Variants in STAT6 observed in about 807,000 individuals in gnomAD.
STAT6 encodes the protein signal transducer and activator of transcription 6.
In STAT6, 45 loss-of-function variants were observed where a neutral mutation model predicts 106.3. That is an observed-to-expected ratio of 0.42 (90% CI 0.33 to 0.54). STAT6 has a LOEUF of 0.54. STAT6 is among the 20% of genes least tolerant of loss of function. The pLI, the probability that STAT6 is intolerant of heterozygous loss-of-function variation, is 0.06. For missense variants in STAT6, 797 were observed against 1,062.2 expected (o/e 0.75, Z 3.47); for synonymous variants, 413 against 413.6 (o/e 1.00, Z 0.02).
At position 57,106,820 on chromosome 12, in the gene STAT6, C is replaced by T. The variant is rs760329085; in HGVS notation, c.351G>A (p.Leu117=). 17 of 1,613,746 alleles carry T rather than the reference C, an allele frequency of 1.1e-5. No homozygotes were observed. Among genetic ancestry groups the T allele is most frequent in the Admixed American group, 1.7e-5 (1 of 59,998 alleles). Residue 117 remains leucine, a synonymous_variant, in exon 5 of 22, where the codon TTG becomes TTA. Coordinates refer to ENST00000300134, the MANE Select transcript of STAT6 (RefSeq NM_003153.5). Reference sequence around the variant, plus strand: ...CCTGCTTCCAGTGGAAAGGCATTGGCAAGTGGCGGAACTACACAGGAAGGA... The same window carrying T: ...CCTGCTTCCAGTGGAAAGGCATTGGTAAGTGGCGGAACTACACAGGAAGGA... ...KKAVMEQFRH[L]PMPFHWKQEE...
At chr12:57,098,924 A>G in intron 17 of STAT6, 22 bp from the exon 18 acceptor site, 1 of 1,613,260 alleles carries the variant, frequency 6.2e-7, no homozygotes, top group Non-Finnish European at 8.5e-7. Context: ...AAGGAGGTAC[A>G]TGTGACTGAC....
rs369459441 is a variant in STAT6, at chr12:57,099,980, C to G, written c.1607+16G>C. On this transcript the variant is annotated intron_variant, in intron 14 of 21. Transcript: ENST00000300134. The surrounding 1 kb of genome is among the most constrained non-coding windows in gnomAD (Gnocchi z 4.7). ...CTGGTGTATGGCTGCTCAGACTACC[C>G]AGGGTGGGGACTCACCGGTCAGACC... The G allele has an allele frequency of 2.3e-5, 37 of 1,614,012 alleles. No individual in the cohort carries two copies. The African/African-American group carries it at 3.7e-4, about 16-fold the overall frequency.
rs1326834528 is a variant in STAT6 at position 57,105,161 on chromosome 12, C to T, written c.991G>A (p.Gly331Arg). ...ARELSVPQGP[G>R]AGAESTGEII... ...CCAATCCCAGCTTACGCTCCAGCCC[C>T]AGGACCCTGAGGCACACTCAGCTCC... is the stretch of plus-strand genomic sequence containing the variant. The change falls in exon 9 of 22, where the codon GGG becomes AGG. Residue 331 changes from glycine to arginine, a missense_variant. Physicochemically the swap from Gly to Arg is moderately radical, Grantham distance 125 (BLOSUM62 -2). Transcript: ENST00000300134. 1.9e-6 allele frequency: 3 copies of T among 1,612,088 alleles called. No homozygotes were observed. In the South Asian group the frequency reaches 3.3e-5, roughly 18 times the overall value.
intron 8 of STAT6, 30 bp downstream of exon 8, chr12:57,105,438 T>C (rs752335858): frequency 1.4e-4 from 223 of 1,613,610 alleles, no homozygotes; most frequent in Non-Finnish European, 1.8e-4. Flanking sequence ...AGGTCTGTTC[T>C]AGGCCAGACT....
At chr12:57,108,011 T>G in intron 2 of STAT6, 152 bp downstream of exon 2, 1 of 665,202 alleles carries the variant, frequency 1.5e-6, no homozygotes. Flanking sequence ...CTGGTCTTGA[T>G]GGGGCACAGA....
rs369192605 is a variant in STAT6, at chr12:57,104,624, G to A, written c.1090-38C>T. On this transcript the variant is annotated intron_variant, in intron 10 of 21. Coordinates refer to ENST00000300134, the MANE Select transcript of STAT6 (RefSeq NM_003153.5). The stretch of plus-strand genomic sequence containing the variant: ...TGAGGGAGAGCAAGGGCGAGGTCAT[G>A]AGGACAGAGACCGCTCCTCCTGGGC... 1.4e-4 allele frequency: 226 copies of A among 1,613,260 alleles called. 1 individual carries two copies. In the Middle Eastern group the frequency reaches 2.6e-3, roughly 19 times the overall value.
In STAT6 at chr12:57,102,402, C is replaced by T. The variant is rs775447215; in HGVS notation, c.1400G>A (p.Arg467Gln). The T allele has an allele frequency of 2.7e-5, 43 of 1,614,052 alleles. No homozygotes were observed. In the East Asian group the frequency reaches 2.9e-4, roughly 11 times the overall value. Residue 467 changes from arginine (R) to glutamine (Q), a missense_variant, in exon 13 of 22, where the codon CGG (arginine) becomes CAG (glutamine). Physicochemically the swap from Arg to Gln is conservative, Grantham distance 43. Around this residue, in one of 4 missense-constraint regions of STAT6, gnomAD observed 222 missense variants for 354.6 expected, o/e 0.63. Coordinates refer to ENST00000300134, the MANE Select transcript of STAT6 (RefSeq NM_003153.5). ...LKFMAEVGTN[R>Q]GLLPEHFLFL... ...GAGGAAGTGCTCTGGGAGCAGCCCC[C>T]GGTTGGTCCCCACCTCAGCCATGAA...
chr12:57,103,345 A>G (rs1039067310), intron 11 of STAT6: 2 of 159,802 alleles, frequency 1.3e-5, no homozygotes. Context: ...TTGTATTTTT[A>G]GTAGATACGA....
intron 9 of STAT6, 100 bp downstream of exon 9, chr12:57,105,051 C>G: frequency 9.2e-6 from 13 of 1,409,208 alleles, no homozygotes; most frequent in South Asian, 1.3e-5. Flanking sequence ...CATCCCATGG[C>G]CCTCCCTCCC....
At position 57,108,346 on chromosome 12, in the gene STAT6, G is replaced by A. The variant is rs547275537; in HGVS notation, c.-21-47C>T. ...ACTCTGAGGGGTGCCCAAGAAACTT[G>A]GCCTATCTCCTGGGGCAGCCAGGGA... On this transcript the variant is annotated intron_variant, in intron 1 of 21. Transcript: ENST00000300134. 138 of 1,061,070 alleles carry A rather than the reference G, an allele frequency of 1.3e-4. 1 individual carries two copies. Among genetic ancestry groups the A allele is most frequent in the Middle Eastern group, 2.0e-4 (1 of 4,922 alleles). The allele number at this position is 1,061,070 out of a possible 1,614,324, so 65.7% of individuals were successfully genotyped here.
intron 13 of STAT6, among the ~76,000 whole-genome samples, chr12:57,100,355 GA>G (rs1259342330): frequency 6.6e-6 from 1 of 152,146 alleles, no homozygotes; most frequent in Non-Finnish European, 1.5e-5. Flanking sequence ...TGAAGAAATG[GA>G]AGTCCAAAAA....
chr12:57,096,934 G>C lies in STAT6; in HGVS notation c.2270C>G (p.Pro757Arg). The C allele has an allele frequency of 1.2e-6, 2 of 1,614,152 alleles. No homozygotes were observed. Among genetic ancestry groups the C allele is most frequent in the East Asian group, 2.2e-5 (1 of 44,884 alleles). The change falls in exon 21 of 22, where the codon CCT becomes CGT. Residue 757 changes from proline (P) to arginine (R), a missense_variant. Coordinates refer to ENST00000300134, the MANE Select transcript of STAT6 (RefSeq NM_003153.5). ...CACATCTGAGCAGAGCAGGGGGTCAGGGCTGGACACAGCATGCTCCTGAGG... is the reference window on the plus strand; with the variant it reads ...CACATCTGAGCAGAGCAGGGGGTCACGGCTGGACACAGCATGCTCCTGAGG... ...CQPQEHAVSS[P>R]DPLLCSDVTM...
Position 57,104,573 on chromosome 12 carries a change from ATCT to A in STAT6, c.1100_1102del (p.Lys367del), listed in dbSNP as rs1410681363. The stretch of plus-strand genomic sequence containing the variant: ...AGTGCCCTTCCGCTCACACCGCTTG[ATCT>A]TCTTGAGAAGCTGTGGGTGGGGTGA... On this transcript the variant is annotated inframe_deletion, in exon 11 of 22. Transcript: ENST00000300134. The A allele has an allele frequency of 6.2e-7, 1 of 1,614,014 alleles. No individual in the cohort carries two copies. Among genetic ancestry groups the A allele is most frequent in the Non-Finnish European group, 8.5e-7 (1 of 1,179,972 alleles).
Position 57,099,397 on chromosome 12 carries a change from G to A in STAT6, c.1788C>T (p.Asp596=). ...GGTCCCCCAGTGAGCGAATGGACAG[G>A]TCTTTGGCAGAGAATGGCTGGATGT... is the stretch of plus-strand genomic sequence containing the variant. ...IENIQPFSAK[D]LSIRSLGDRI... The change falls in exon 16 of 22, where the codon GAC becomes GAT. Residue 596 remains aspartate, a synonymous_variant. Coordinates refer to ENST00000300134, the MANE Select transcript of STAT6 (RefSeq NM_003153.5). The surrounding 1 kb of genome is among the most constrained non-coding windows in gnomAD (Gnocchi z 4.7). The A allele has an allele frequency of 1.2e-6, 2 of 1,614,190 alleles. No individual in the cohort carries two copies. Among genetic ancestry groups the A allele is most frequent in the Non-Finnish European group, 1.7e-6 (2 of 1,180,032 alleles).
rs747615370 is a variant in STAT6, at chr12:57,102,965, C to CTTTTTTTTT, written c.1213-53_1213-45dup. On this transcript the variant is annotated intron_variant, in intron 11 of 21. Transcript: ENST00000300134. ...GGGGTTTCTTTTCTTTCTTTCTTTC[C>CTTTTTTTTT]TTTTTTTTTTTTTTTTTTTTTTTTT... The CTTTTTTTTT allele has an allele frequency of 7.3e-5, 22 of 303,360 alleles. 1 individual carries two copies. Among genetic ancestry groups the CTTTTTTTTT allele is most frequent in the African/African-American group, 1.8e-4 (3 of 16,512 alleles). The allele number at this position is 303,360 out of a possible 1,614,324, so 18.8% of individuals were successfully genotyped here.
In STAT6 at chr12:57,098,486, C is replaced by T; in HGVS notation, c.2159+19G>A. The T allele has an allele frequency of 6.2e-7, 1 of 1,612,432 alleles. No homozygotes were observed. ...CCCCCTTAGAGTGGGATGGTATCCC[C>T]ATGAGGTTTTTCACTTACTCCTGGA... On this transcript the variant is annotated intron_variant, in intron 19 of 21. Transcript: ENST00000300134.
chr12:57,107,137 C>T lies in STAT6; in HGVS notation c.339+94G>A, dbSNP rs1277277084. 89 of 1,358,450 alleles carry T rather than the reference C, an allele frequency of 6.6e-5. 2 individuals carry two copies. In the South Asian group the frequency reaches 1.0e-3, roughly 16 times the overall value. 84.1% of individuals were successfully genotyped at this position (1,358,450 alleles called of 1,614,324 possible). A position where few individuals can be genotyped will look rare whatever the true frequency, so the allele number is the denominator to read the frequency against. On this transcript the variant is annotated intron_variant, in intron 4 of 21. Transcript: ENST00000300134. ...TCATTCCTGGGCCTAGAACACTGAG[C>T]CTTTACTGAGGTTCAAATTCTTTCT...
In STAT6 at chr12:57,104,814, C is replaced by G; in HGVS notation, c.1002-1G>C. On this transcript the variant is annotated splice_acceptor_variant, in intron 9 of 21. Coordinates refer to ENST00000300134, the MANE Select transcript of STAT6 (RefSeq NM_003153.5). LOFTEE classifies it high-confidence loss of function. ...GTTGATGATTTCTCCAGTGCTTTCT[C>G]TGCCAGGGGAGGTCAGAGTGTGAAC... 6.2e-7 allele frequency: 1 copy of G among 1,614,138 alleles called. No homozygotes were observed.
At position 57,105,737 on chromosome 12, in the gene STAT6, C is replaced by G; in HGVS notation, c.681-138G>C. 4.4e-6 allele frequency: 6 copies of G among 1,364,772 alleles called. No homozygotes were observed. In the South Asian group the frequency reaches 9.1e-5, roughly 21 times the overall value. The allele number at this position is 1,364,772 out of a possible 1,614,324, so 84.5% of individuals were successfully genotyped here. ...GGTAGTGGGTGTGGCTGCAAGGCAC[C>G]TGGGCTGAAGGGGGTTCTGTGATCT... On this transcript the variant is annotated intron_variant, in intron 7 of 21. Transcript: ENST00000300134.
Sources: allele counts gnomAD v4.1 joint callset (sites outside exome capture counted in the v4.1 genomes callset), GRCh38; gene constraint gnomAD v4.1.1; regional missense constraint gnomAD v4.1.1; non-coding constraint Gnocchi (gnomAD v3.1); transcripts MANE v1.5; gene names NCBI Gene and HGNC (gene_info 2026-07-23, HGNC 2026-07-21).